Variants in PTPRJ observed in about 807,000 individuals in gnomAD.
PTPRJ encodes receptor-type tyrosine-protein phosphatase eta.
Under a neutral mutation model 141.3 loss-of-function variants are expected in PTPRJ, and 129 were observed. That is an observed-to-expected ratio of 0.91 (90% CI 0.79 to 1.06). The LOEUF is 1.06. Among genes scored for constraint, PTPRJ ranks in the 50% least tolerant of loss-of-function variants. The pLI is 0.00. For missense variants in PTPRJ, 1,601 were observed against 1,679.7 expected, an observed-to-expected ratio of 0.95 and a Z score of 0.82; for synonymous variants, 610 against 640.5, an observed-to-expected ratio of 0.95 and a Z score of 0.72.
At chr11:48,022,001 G>C (rs1203630465) in intron 1 of PTPRJ, among the ~76,000 whole-genome samples, 1 of 152,082 alleles carries the variant, frequency 6.6e-6, no homozygotes, top group Non-Finnish European at 1.5e-5. Flanking sequence ...TTACCAGTTG[G>C]GTGACCTTGG....
chr11:48,041,852 A>G (rs1346078186), intron 1 of PTPRJ, among the ~76,000 whole-genome samples: 4 of 151,624 alleles, frequency 2.6e-5, no homozygotes, highest in African/African-American at 2.4e-5. Context: ...AGCTCAAGCA[A>G]TTGGCCTGAC....
In PTPRJ at chr11:48,110,067, G is replaced by C. The variant is rs771041256; in HGVS notation, c.106G>C (p.Ala36Pro). The C allele has an allele frequency of 1.9e-6, 3 of 1,613,848 alleles. No homozygotes were observed. Among genetic ancestry groups the C allele is most frequent in the Non-Finnish European group, 2.5e-6 (3 of 1,179,814 alleles). ...TCTTTTTCTGTTTCAGATCCTGTGC[G>C]CAGGTGGCAGTGAGTACCCTTTTCC... ...LLLRLGQILCAGGTPSPIPDP... is the reference protein window; with the variant it reads ...LLLRLGQILCPGGTPSPIPDP... Residue 36 changes from alanine (A) to proline (P), a missense_variant, in exon 2 of 25, where the codon GCA becomes CCA. Transcript: ENST00000418331.
chr11:48,134,691 G>T (rs574843379), intron 8 of PTPRJ, among the ~76,000 whole-genome samples: 1 of 152,166 alleles, frequency 6.6e-6, no homozygotes, highest in Admixed American at 6.5e-5. Flanking sequence ...GCCAGGTAAA[G>T]AGAGACAGGG....
In PTPRJ at chr11:48,123,596, T is replaced by C. The variant is rs774686732; in HGVS notation, c.617-17T>C. The C allele has an allele frequency of 1.1e-5, 17 of 1,609,032 alleles. No individual in the cohort carries two copies. The South Asian group carries it at 1.5e-4, about 15-fold the overall frequency. On this transcript the variant is annotated splice_polypyrimidine_tract_variant and intron_variant, in intron 4 of 24. Coordinates refer to ENST00000418331, the MANE Select transcript of PTPRJ (RefSeq NM_002843.4). ...ATATATCTTGTTCCATTAATGCATGTTGTATTTTTAAAATAGAGCCGATCC... is the reference window on the plus strand; with the variant it reads ...ATATATCTTGTTCCATTAATGCATGCTGTATTTTTAAAATAGAGCCGATCC...
chr11:48,131,274 G>C (rs1445146344), intron 8 of PTPRJ, among the ~76,000 whole-genome samples: 2 of 151,392 alleles, frequency 1.3e-5, no homozygotes, highest in African/African-American at 4.9e-5. Context: ...GTAGAGACAG[G>C]GTTTCGCCAT....
rs555037529 is a variant in PTPRJ, at chr11:48,082,419, T to G, written c.97-27639T>G. Among the ~76,000 whole-genome samples, 1,138 of 149,266 alleles carry G rather than the reference T, an allele frequency of 7.6e-3. 16 individuals are homozygous for G. The highest frequency in any genetic ancestry group is 0.026 in the African/African-American group (1,063 of 40,840). On this transcript the variant is annotated intron_variant, in intron 1 of 24. Transcript: ENST00000418331. ...CCACCATACCTGGCAAATTTTTTTT[T>G]TTTTTTTTTTTGGAGAGGCAGAGTC... is the stretch of plus-strand genomic sequence containing the variant.
rs1247567499 is a variant in PTPRJ at position 48,169,916 on chromosome 11, A to C, written c.*2554A>C. 1 of 152,174 alleles carries C rather than the reference A, an allele frequency of 6.6e-6. No homozygotes were observed. The highest frequency in any genetic ancestry group is 1.5e-5 in the Non-Finnish European group (1 of 68,070). 9.4% of individuals were successfully genotyped at this position (152,174 alleles called of 1,614,324 possible). ...GGTCACGATGCTTCTCTGCATCCTG[A>C]AAAGGGCTGGGGACAGGGCCAGTGG... On this transcript the variant is annotated 3_prime_UTR_variant, in exon 25 of 25. Transcript: ENST00000418331.
At chr11:48,060,476 G>A (rs1291808650) in intron 1 of PTPRJ, among the ~76,000 whole-genome samples, 2 of 151,902 alleles carry the variant, frequency 1.3e-5, no homozygotes, top group African/African-American at 2.4e-5. Flanking sequence ...ATAAACCAGT[G>A]TGTTCCAAAA....
chr11:48,100,247 C>T (rs1856118270), intron 1 of PTPRJ, among the ~76,000 whole-genome samples: 1 of 152,190 alleles, frequency 6.6e-6, no homozygotes, highest in African/African-American at 2.4e-5. Context: ...ATCCAAGACA[C>T]TGACTTGCCC....
intron 22 of PTPRJ, 97 bp downstream of exon 22, chr11:48,160,146 T>C (rs750608345): frequency 1.3e-5 from 20 of 1,483,708 alleles, no homozygotes; most frequent in Admixed American, 1.7e-5. Context: ...TATGTTTTCC[T>C]ATGCAGTGAG....
At chr11:48,060,705 G>T (rs1854898147) in intron 1 of PTPRJ, among the ~76,000 whole-genome samples, 1 of 152,196 alleles carries the variant, frequency 6.6e-6, no homozygotes, top group Non-Finnish European at 1.5e-5. Context: ...CCTTTGAGCA[G>T]CCAGGATCCC....
intron 1 of PTPRJ, among the ~76,000 whole-genome samples, chr11:47,995,126 A>AT (rs1470674297): frequency 4.6e-5 from 7 of 152,096 alleles, no homozygotes; most frequent in Non-Finnish European, 8.8e-5. Flanking sequence ...TGTTTTCAAA[A>AT]TTTTTTTTGT....
intron 11 of PTPRJ, 87 bp downstream of exon 11, chr11:48,139,863 G>T: frequency 2.9e-6 from 4 of 1,357,236 alleles, no homozygotes; most frequent in Non-Finnish European, 4.0e-6. Context: ...GTGTGGACTA[G>T]AAATCTGTTT....
Position 48,137,241 on chromosome 11 carries a change from G to GA in PTPRJ, c.2113dup (p.Ile705AsnfsTer47). 6.2e-7 allele frequency: 1 copy of GA among 1,613,804 alleles called. No individual in the cohort carries two copies. The highest frequency in any genetic ancestry group is 8.5e-7 in the Non-Finnish European group (1 of 1,179,876). ...AGATCTTTGCACAAGTAGGGGATGG[G>GA]ATCAAGTCACTGGAACCTGGCCGGA... On this transcript the variant is annotated frameshift_variant, in exon 10 of 25. Coordinates refer to ENST00000418331, the MANE Select transcript of PTPRJ (RefSeq NM_002843.4). LOFTEE classifies it high-confidence loss of function.
At chr11:48,157,798 T>C (rs1857649056) in intron 21 of PTPRJ, among the ~76,000 whole-genome samples, 2 of 152,200 alleles carry the variant, frequency 1.3e-5, no homozygotes, top group South Asian at 4.1e-4. Flanking sequence ...GAGGGTGGGC[T>C]CCTTACCCTC....
intron 1 of PTPRJ, among the ~76,000 whole-genome samples, chr11:48,010,006 T>C (rs1434304549): frequency 1.3e-5 from 2 of 152,166 alleles, no homozygotes; most frequent in African/African-American, 4.8e-5. Context: ...CTCTGGGGAC[T>C]CCCCATCCCA....
intron 1 of PTPRJ, chr11:48,014,496 A>G (rs1381054205): frequency 6.6e-6 from 1 of 152,178 alleles, no homozygotes; most frequent in African/African-American, 2.4e-5. Context: ...TTTGTTGAGC[A>G]TCTGTTATGT....
intron 1 of PTPRJ, among the ~76,000 whole-genome samples, chr11:48,029,325 G>A (rs1237284032): frequency 1.3e-5 from 2 of 152,110 alleles, no homozygotes; most frequent in Non-Finnish European, 2.9e-5. Flanking sequence ...TTTGCTAGAG[G>A]GAAAAAATGA....
chr11:48,043,665 C>A (rs766451551), intron 1 of PTPRJ, among the ~76,000 whole-genome samples: 6 of 152,130 alleles, frequency 3.9e-5, no homozygotes, highest in African/African-American at 7.2e-5. Context: ...GAGTCTCCCC[C>A]ACCCCCAAAG....
Sources: gnomAD v4.1 joint callset for allele counts (sites outside exome capture counted in the v4.1 genomes callset) on GRCh38, gnomAD v4.1.1 for gene constraint, MANE v1.5 for transcripts, NCBI Gene and HGNC (gene_info 2026-07-23, HGNC 2026-07-21) for gene names.